The following IQUB variants were observed in gnomAD, a reference collection of about 807,000 sequenced individuals.
The protein encoded by IQUB is IQ motif and ubiquitin-like domain-containing protein.
A neutral mutation model predicts 86.4 loss-of-function variants in IQUB; 86 were observed. That is an observed-to-expected ratio of 1.00 (90% confidence interval 0.84 to 1.19). The LOEUF (loss-of-function observed/expected upper bound fraction) is 1.19, where lower values mean the gene tolerates loss of function less well. Among genes scored for constraint, IQUB ranks in the 50% most tolerant of loss-of-function variants. IQUB has a pLI of 0.00. For missense variants in IQUB, 946 were observed against 916.9 expected, an observed-to-expected ratio of 1.03 and a Z score of -0.41; for synonymous variants, 289 against 304.5, an observed-to-expected ratio of 0.95 and a Z score of 0.53.
rs78437691 is a variant in IQUB, at chr7:123,455,610, C to T, written c.2193+1771G>A. On this transcript the variant is annotated intron_variant, in intron 12 of 12. Coordinates refer to ENST00000324698, the MANE Select transcript of IQUB (RefSeq NM_178827.5). ...GATACCATTATCTCTTTTTTATAGACGAGAAAGCTGGGTCATTGAGACATT... is the reference window on the plus strand; with the variant it reads ...GATACCATTATCTCTTTTTTATAGATGAGAAAGCTGGGTCATTGAGACATT... Among the ~76,000 whole-genome samples the T allele has an allele frequency of 7.2e-5, 11 of 152,138 alleles. No individual in the cohort carries two copies. The East Asian group carries it at 1.4e-3, about 19-fold the overall frequency.
chr7:123,478,108 A>G (rs1483267608), intron 8 of IQUB, among the ~76,000 whole-genome samples: 1 of 152,232 alleles, frequency 6.6e-6, no homozygotes, highest in Non-Finnish European at 1.5e-5. Context: ...TCAAAGGATT[A>G]TAAACCATGC....
chr7:123,493,731 A>ATGTGTG (rs71161484), intron 7 of IQUB, among the ~76,000 whole-genome samples: 6,214 of 112,412 alleles, frequency 0.055, 148 homozygotes, highest in South Asian at 0.065. Context: ...ATGTGTGTGT[A>ATGTGTG]TGTGTGTGTG....
chr7:123,506,018 C>T (rs1181885927), intron 3 of IQUB, among the ~76,000 whole-genome samples: 1 of 152,146 alleles, frequency 6.6e-6, no homozygotes, highest in African/African-American at 2.4e-5. Flanking sequence ...ATTTCTTCCA[C>T]CAGATACCCT....
At chr7:123,515,589 C>G (rs1280589929) in intron 1 of IQUB, among the ~76,000 whole-genome samples, 1 of 152,052 alleles carries the variant, frequency 6.6e-6, no homozygotes, top group Non-Finnish European at 1.5e-5. Flanking sequence ...AATTTTGGGC[C>G]TAGGTACATC....
intron 1 of IQUB, among the ~76,000 whole-genome samples, chr7:123,529,364 A>T (rs1020109085): frequency 2.6e-5 from 4 of 151,922 alleles, no homozygotes. Flanking sequence ...ATTTTTATGT[A>T]AAATACGATT....
intron 1 of IQUB, among the ~76,000 whole-genome samples, chr7:123,516,668 TG>T (rs111832985): frequency 0.26 from 39,538 of 152,070 alleles, 5,362 homozygotes; most frequent in East Asian, 0.33. Context: ...AGTTATCTGA[TG>T]GGGGGCAAGG....
At chr7:123,455,908 C>T (rs142653980) in intron 12 of IQUB, among the ~76,000 whole-genome samples, 31 of 152,166 alleles carry the variant, frequency 2.0e-4, no homozygotes, top group African/African-American at 7.0e-4. Context: ...TTCACATTAA[C>T]GAAAGTGTTT....
intron 7 of IQUB, among the ~76,000 whole-genome samples, chr7:123,484,649 ATAC>A (rs1440807866): frequency 2.0e-5 from 3 of 152,084 alleles, no homozygotes; most frequent in Admixed American, 6.6e-5. Flanking sequence ...AAAGAATAAT[ATAC>A]TACTTTTCTA....
At chr7:123,532,464 A>C (rs943489995) in intron 1 of IQUB, 2 of 152,204 alleles carry the variant, frequency 1.3e-5, no homozygotes, top group Admixed American at 1.3e-4. Context: ...TGACACTGGG[A>C]TCAGGATAGT....
intron 9 of IQUB, among the ~76,000 whole-genome samples, chr7:123,466,325 T>C (rs1584556501): frequency 6.6e-6 from 1 of 152,244 alleles, no homozygotes; most frequent in East Asian, 1.9e-4. Flanking sequence ...TATGAGTCCA[T>C]CCTTTGGCCT....
intron 3 of IQUB, among the ~76,000 whole-genome samples, chr7:123,506,077 C>T (rs780103306): frequency 6.6e-6 from 1 of 152,208 alleles, no homozygotes; most frequent in African/African-American, 2.4e-5. Context: ...AGAGCAAGGA[C>T]ACAGTGCTGC....
intron 7 of IQUB, among the ~76,000 whole-genome samples, chr7:123,482,454 C>A (rs987574411): frequency 6.6e-6 from 1 of 151,930 alleles, no homozygotes; most frequent in African/African-American, 2.4e-5. Context: ...TTACAAACTA[C>A]ATTTTTACCA....
chr7:123,501,860 C>CATATGGAGTTA (rs1795960547), intron 6 of IQUB: 1 of 152,092 alleles, frequency 6.6e-6, no homozygotes, highest in Non-Finnish European at 1.5e-5. Flanking sequence ...CCATATATTC[C>CATATGGAGTTA]TTTATTTGGT....
intron 1 of IQUB, among the ~76,000 whole-genome samples, chr7:123,517,704 G>A (rs1416805002): frequency 1.3e-4 from 19 of 151,960 alleles, no homozygotes; most frequent in African/African-American, 4.8e-5. Context: ...ACCATCCATG[G>A]ACCAACAACA....
rs56064307 is a variant in IQUB at position 123,491,282 on chromosome 7, A to C, written c.1234+5414T>G. The stretch of plus-strand genomic sequence containing the variant: ...TAGGAAAGAAGAAAGGTCTCAAATC[A>C]AATGACCTCAGCTTCCACCACAGGA... On this transcript the variant is annotated intron_variant, in intron 7 of 12. Coordinates refer to ENST00000324698, the MANE Select transcript of IQUB (RefSeq NM_178827.5). Among the ~76,000 whole-genome samples, 1,029 of 152,306 alleles carry C rather than the reference A, an allele frequency of 6.8e-3. 12 individuals are homozygous for C. The highest frequency in any genetic ancestry group is 0.024 in the African/African-American group (987 of 41,548).
chr7:123,497,087 T>C (rs1320769968), intron 6 of IQUB, among the ~76,000 whole-genome samples, 181 bp from the exon 7 acceptor site: 1 of 152,184 alleles, frequency 6.6e-6, no homozygotes, highest in Non-Finnish European at 1.5e-5. Flanking sequence ...ATGTGACTGC[T>C]ATTTGACTTT....
chr7:123,461,268 T>TCACA (rs111355527), intron 11 of IQUB, 89 bp downstream of exon 11: 11 of 1,254,336 alleles, frequency 8.8e-6, no homozygotes, highest in African/African-American at 3.0e-5. Context: ...CATTAAACAA[T>TCACA]CACACACACA....
intron 11 of IQUB, among the ~76,000 whole-genome samples, chr7:123,460,219 T>TTGA (rs1793918470): frequency 6.6e-6 from 1 of 151,904 alleles, no homozygotes. Flanking sequence ...AATGCCTATT[T>TTGA]TGATAGGATT....
At chr7:123,481,464 C>T (rs1433407810) in intron 7 of IQUB, among the ~76,000 whole-genome samples, 6 of 151,812 alleles carry the variant, frequency 4.0e-5, no homozygotes, top group East Asian at 1.9e-4. Flanking sequence ...ATATGAAAGA[C>T]GGGAGAAATG....
Sources: allele counts gnomAD v4.1 joint callset (sites outside exome capture counted in the v4.1 genomes callset), GRCh38; gene constraint gnomAD v4.1.1; transcripts MANE v1.5; gene names NCBI Gene and HGNC (gene_info 2026-07-23, HGNC 2026-07-21).